Variants in GALNTL6 observed in about 807,000 individuals in gnomAD.
The protein encoded by GALNTL6 is polypeptide N-acetylgalactosaminyltransferase like 6, also known as polypeptide N-acetylgalactosaminyltransferase-like 6.
GALNTL6 carries 46 observed loss-of-function variants against 73.7 expected under a neutral mutation model. The observed-to-expected ratio is 0.62, with a 90% CI of 0.49 to 0.80. The LOEUF (loss-of-function observed/expected upper bound fraction) is 0.80. Among genes scored for constraint, GALNTL6 ranks in the 30% least tolerant of loss-of-function variants. The pLI is 0.00. For synonymous variants in GALNTL6, 259 were observed against 263.7 expected (o/e 0.98, Z 0.17); for missense variants, 604 against 755.0 (o/e 0.80, Z 2.34).
chr4:171,927,504 TG>T (rs998209779), intron 2 of GALNTL6, among the ~76,000 whole-genome samples: 8 of 152,176 alleles, frequency 5.3e-5, no homozygotes, highest in Non-Finnish European at 1.2e-4. Context: ...ACTATCTTGG[TG>T]TCTTCTATGG....
intron 5 of GALNTL6, among the ~76,000 whole-genome samples, chr4:172,717,201 T>C (rs1735160248): frequency 6.6e-6 from 1 of 152,230 alleles, no homozygotes; most frequent in South Asian, 2.1e-4. Context: ...ATATACTTTA[T>C]ACTTTTAAAC....
Position 172,225,181 on chromosome 4 carries a change from G to A in GALNTL6, c.139-4475G>A, listed in dbSNP as rs192479708. Among the ~76,000 whole-genome samples, 1,056 of 152,088 alleles carry A rather than the reference G, an allele frequency of 6.9e-3. 10 individuals are homozygous for A. Among genetic ancestry groups the A allele is most frequent in the African/African-American group, 0.024 (983 of 41,498 alleles). ...AGAGGACGCATGATATAATCCAAAA[G>A]AGACGCAAATGGGTCTGGGCGCTGG... On this transcript the variant is annotated intron_variant, in intron 2 of 12. Coordinates refer to ENST00000506823, the MANE Select transcript of GALNTL6 (RefSeq NM_001034845.3).
chr4:172,427,125 G>C (rs2111373781), intron 5 of GALNTL6, among the ~76,000 whole-genome samples: 1 of 152,208 alleles, frequency 6.6e-6, no homozygotes, highest in Admixed American at 6.6e-5. Context: ...TTTTATAAGA[G>C]AGAGAAGAAA....
rs553940415 is a variant in GALNTL6, at chr4:171,863,822, A to G, written c.138+49104A>G. 4.6e-3 allele frequency among the ~76,000 whole-genome samples: 693 copies of G among 152,208 alleles called. 5 individuals carry two copies. Among genetic ancestry groups the G allele is most frequent in the African/African-American group, 0.016 (658 of 41,526 alleles). On this transcript the variant is annotated intron_variant, in intron 2 of 12. Coordinates refer to ENST00000506823, the MANE Select transcript of GALNTL6 (RefSeq NM_001034845.3). Reference sequence around the variant, plus strand: ...GCCCAAGCTGCAGTGAAATGGCACAATGGCAGCTCACTGCAACCTCCGCCT... The same window carrying G: ...GCCCAAGCTGCAGTGAAATGGCACAGTGGCAGCTCACTGCAACCTCCGCCT...
chr4:172,271,303 T>C (rs1315934649), intron 3 of GALNTL6, among the ~76,000 whole-genome samples: 1 of 152,168 alleles, frequency 6.6e-6, no homozygotes, highest in Non-Finnish European at 1.5e-5. Flanking sequence ...TATAGAAGAA[T>C]ATATGTAAAT....
chr4:172,941,813 T>G (rs573332088), intron 9 of GALNTL6, among the ~76,000 whole-genome samples: 1 of 152,364 alleles, frequency 6.6e-6, no homozygotes, highest in Non-Finnish European at 1.5e-5. Context: ...TTAATAACTG[T>G]CTTCCAGGAC....
At chr4:172,028,673 C>G (rs535873315) in intron 2 of GALNTL6, among the ~76,000 whole-genome samples, 1 of 152,074 alleles carries the variant, frequency 6.6e-6, no homozygotes, top group East Asian at 1.9e-4. Flanking sequence ...CTGTACTCAA[C>G]TTCAATTCAT....
At chr4:172,610,364 C>G (rs1362744400) in intron 5 of GALNTL6, among the ~76,000 whole-genome samples, 1 of 152,014 alleles carries the variant, frequency 6.6e-6, no homozygotes, top group Non-Finnish European at 1.5e-5. Context: ...CTTAACACTG[C>G]TTACCTGTGA....
chr4:172,050,438 T>C lies in GALNTL6; in HGVS notation c.139-179218T>C, dbSNP rs550041402. ...AAAGTTCTTCTGATTTGCAGTTGGTTAAAAAAGAGAAGCTTTGTTTAAAAA... is the reference window on the plus strand; with the variant it reads ...AAAGTTCTTCTGATTTGCAGTTGGTCAAAAAAGAGAAGCTTTGTTTAAAAA... On this transcript the variant is annotated intron_variant, in intron 2 of 12. Transcript: ENST00000506823. Among the ~76,000 whole-genome samples, 10 of 152,242 alleles carry C rather than the reference T, an allele frequency of 6.6e-5. No individual in the cohort carries two copies. In the East Asian group the frequency reaches 1.5e-3, roughly 24 times the overall value.
intron 5 of GALNTL6, among the ~76,000 whole-genome samples, chr4:172,402,905 G>A (rs1246931979): frequency 1.3e-5 from 2 of 152,006 alleles, no homozygotes; most frequent in African/African-American, 4.8e-5. Flanking sequence ...AAGTATTTCA[G>A]GTCATTATAC....
intron 5 of GALNTL6, among the ~76,000 whole-genome samples, chr4:172,580,009 T>A (rs932990209): frequency 6.6e-5 from 10 of 152,110 alleles, no homozygotes; most frequent in Non-Finnish European, 1.2e-4. Context: ...CTGTCAAAAA[T>A]TTAAGATTAA....
chr4:172,083,187 A>G (rs1160271362), intron 2 of GALNTL6, among the ~76,000 whole-genome samples: 4 of 152,192 alleles, frequency 2.6e-5, no homozygotes, highest in East Asian at 3.9e-4. Context: ...ACAGAAAACT[A>G]TCTTGTCTAA....
chr4:172,023,249 A>G (rs1741456952), intron 2 of GALNTL6, among the ~76,000 whole-genome samples: 1 of 151,546 alleles, frequency 6.6e-6, no homozygotes, highest in South Asian at 2.1e-4. Flanking sequence ...TAGTGTGTTT[A>G]GTGTATTGAA....
intron 5 of GALNTL6, among the ~76,000 whole-genome samples, chr4:172,768,320 G>A (rs1381470910): frequency 6.6e-6 from 1 of 152,182 alleles, no homozygotes; most frequent in Non-Finnish European, 1.5e-5. Context: ...GGAATACATA[G>A]AGTAGGTAAA....
intron 3 of GALNTL6, among the ~76,000 whole-genome samples, chr4:172,260,566 T>A (rs1180849343): frequency 6.6e-6 from 1 of 151,550 alleles, no homozygotes; most frequent in African/African-American, 2.4e-5. Context: ...ACAGTTTGAC[T>A]TCCATTTTAT....
chr4:171,863,363 T>C (rs2110882265), intron 2 of GALNTL6, among the ~76,000 whole-genome samples: 1 of 152,318 alleles, frequency 6.6e-6, no homozygotes, highest in South Asian at 2.1e-4. Flanking sequence ...TATTATTTCA[T>C]ATGGAGAGAC....
rs190340195 is a variant in GALNTL6 at position 172,351,780 on chromosome 4, T to C, written c.553+3091T>C. ...TGGATTCCTTTAGGAAGTTTTTTTGTTTGTTTTACACTTTAAATTTACTTT... is the reference window on the plus strand; with the variant it reads ...TGGATTCCTTTAGGAAGTTTTTTTGCTTGTTTTACACTTTAAATTTACTTT... On this transcript the variant is annotated intron_variant, in intron 5 of 12. Coordinates refer to ENST00000506823, the MANE Select transcript of GALNTL6 (RefSeq NM_001034845.3). Among the ~76,000 whole-genome samples, 13 of 152,254 alleles carry C rather than the reference T, an allele frequency of 8.5e-5. No individual in the cohort carries two copies. In the East Asian group the frequency reaches 1.3e-3, roughly 16 times the overall value.
chr4:172,749,012 C>A (rs533249306), intron 5 of GALNTL6, among the ~76,000 whole-genome samples: 30 of 151,716 alleles, frequency 2.0e-4, no homozygotes, highest in Non-Finnish European at 3.5e-4. Flanking sequence ...CAGGCTGAAT[C>A]GGTCTTGCCA....
chr4:172,366,402 A>G (rs1251138213), intron 5 of GALNTL6, among the ~76,000 whole-genome samples: 2 of 152,138 alleles, frequency 1.3e-5, no homozygotes, highest in African/African-American at 4.8e-5. Flanking sequence ...CCACATTGTC[A>G]TATTTTTATT....
Sources: gnomAD v4.1 joint callset for allele counts (sites outside exome capture counted in the v4.1 genomes callset) on GRCh38, gnomAD v4.1.1 for gene constraint, MANE v1.5 for transcripts, NCBI Gene and HGNC (gene_info 2026-07-23, HGNC 2026-07-21) for gene names.